Variants in TMEM248 observed in about 807,000 individuals in gnomAD.
TMEM248 encodes UPF0458 protein C7orf42.
A neutral mutation model predicts 30.3 loss-of-function variants in TMEM248; 9 were observed. That is an observed-to-expected ratio of 0.30 (90% confidence interval 0.18 to 0.52). The LOEUF (loss-of-function observed/expected upper bound fraction) is 0.52, where lower values mean the gene tolerates loss of function less well. Among genes scored for constraint, TMEM248 ranks in the 20% least tolerant of loss-of-function variants. The pLI, the probability that TMEM248 is intolerant of heterozygous loss-of-function variation, is 0.97. For missense variants in TMEM248, 338 were observed against 403.3 expected (o/e 0.84, Z 1.39); for synonymous variants, 184 against 154.4 (o/e 1.19, Z -1.42).
chr7:66,936,428 T>A (rs1302742137), intron 1 of TMEM248, among the ~76,000 whole-genome samples: 1 of 152,226 alleles, frequency 6.6e-6, no homozygotes, highest in African/African-American at 2.4e-5. Context: ...TGATGAATGA[T>A]CTTTTTAATG....
intron 4 of TMEM248, among the ~76,000 whole-genome samples, chr7:66,949,469 AAAAT>A (rs1437988851): frequency 6.6e-6 from 1 of 152,206 alleles, no homozygotes; most frequent in East Asian, 1.9e-4. Context: ...CTGTCTCAAA[AAAAT>A]AAATAAATCA....
chr7:66,929,383 G>A (rs958583772), intron 1 of TMEM248, among the ~76,000 whole-genome samples: 1 of 149,846 alleles, frequency 6.7e-6, no homozygotes, highest in Admixed American at 6.7e-5. Flanking sequence ...CACTGTCCAA[G>A]GTAGGAGGAA....
chr7:66,936,737 G>A (rs190827677), intron 1 of TMEM248, among the ~76,000 whole-genome samples: 86 of 152,216 alleles, frequency 5.6e-4, no homozygotes, highest in African/African-American at 1.9e-3. Flanking sequence ...TTTTCCAGCC[G>A]GTGTGCAGTT....
At chr7:66,939,365 C>T (rs1276868679) in intron 1 of TMEM248, among the ~76,000 whole-genome samples, 1 of 152,170 alleles carries the variant, frequency 6.6e-6, no homozygotes, top group Non-Finnish European at 1.5e-5. Context: ...AGAACAATTA[C>T]ATATATACAT....
At chr7:66,945,653 A>G (rs1014217712) in intron 3 of TMEM248, among the ~76,000 whole-genome samples, 3 of 152,226 alleles carry the variant, frequency 2.0e-5, no homozygotes, top group Non-Finnish European at 4.4e-5. Context: ...GGGAAGAACT[A>G]GAAAATGACT....
At position 66,947,213 on chromosome 7, in the gene TMEM248, T is replaced by TC. The variant is rs1792128749; in HGVS notation, c.446-1330dup. ...CTGGGCAATAGAGTGAGACCCTGTC[T>TC]CAAAAAAAAAAAAAAAAAAAAACAA... On this transcript the variant is annotated intron_variant, in intron 3 of 6. Coordinates refer to ENST00000341567, the MANE Select transcript of TMEM248 (RefSeq NM_017994.5). Among the ~76,000 whole-genome samples, 4 of 73,750 alleles carry TC rather than the reference T, an allele frequency of 5.4e-5. No individual in the cohort carries two copies. The East Asian group carries it at 1.6e-3, about 30-fold the overall frequency. 48.4% of individuals were successfully genotyped at this position (73,750 alleles called of 152,430 possible). A position where few individuals can be genotyped will look rare whatever the true frequency, so the allele number is the denominator to read the frequency against.
At chr7:66,935,562 A>T (rs974785950) in intron 1 of TMEM248, among the ~76,000 whole-genome samples, 6 of 152,144 alleles carry the variant, frequency 3.9e-5, no homozygotes, top group African/African-American at 1.2e-4. Flanking sequence ...TACTTTTTTG[A>T]AACGGAGTCT....
chr7:66,932,680 A>T lies in TMEM248; in HGVS notation c.-18-9168A>T, dbSNP rs541782650. 4.6e-5 allele frequency among the ~76,000 whole-genome samples: 7 copies of T among 150,604 alleles called. No homozygotes were observed. The South Asian group carries it at 1.5e-3, about 32-fold the overall frequency. On this transcript the variant is annotated intron_variant, in intron 1 of 6. Transcript: ENST00000341567. ...CAGGCGCACGCTGCCACTCCCGGCT[A>T]ATTTGTTGTATTTTTAGTAGAGATG...
rs1278789035 is a variant in TMEM248 at position 66,940,251 on chromosome 7, G to A, written c.-18-1597G>A. ...TTACAAGCATGAGCCACTGCGCCCA[G>A]CCATAGATGTGCGTTTTAAGAAGAG... On this transcript the variant is annotated intron_variant, in intron 1 of 6. Transcript: ENST00000341567. Among the ~76,000 whole-genome samples, 6 of 152,320 alleles carry A rather than the reference G, an allele frequency of 3.9e-5. No individual in the cohort carries two copies. The South Asian group carries it at 1.0e-3, about 26-fold the overall frequency.
Position 66,951,025 on chromosome 7 carries a change from G to T in TMEM248, c.670G>T (p.Asp224Tyr). Residue 224 changes from aspartate (D) to tyrosine (Y), a missense_variant, in exon 5 of 7, where the codon GAT (aspartate) becomes TAT (tyrosine). Asp to Tyr is a radical substitution (Grantham distance 160). Coordinates refer to ENST00000341567, the MANE Select transcript of TMEM248 (RefSeq NM_017994.5). ...LWYKIFTTAR[D>Y]ANTKYAQDYN... ...GTACAAGATCTTCACAACTGCCAGA[G>T]ATGCCAACACAAAATACGCCCAAGA... 1 of 1,612,972 alleles carries T rather than the reference G, an allele frequency of 6.2e-7. No individual in the cohort carries two copies. The highest frequency in any genetic ancestry group is 8.5e-7 in the Non-Finnish European group (1 of 1,179,734).
intron 1 of TMEM248, among the ~76,000 whole-genome samples, chr7:66,934,745 A>G (rs758798482): frequency 3.9e-5 from 6 of 152,130 alleles, no homozygotes; most frequent in Non-Finnish European, 5.9e-5. Context: ...GGTCCTATTC[A>G]TTTTTATATA....
chr7:66,939,795 C>A lies in TMEM248; in HGVS notation c.-18-2053C>A, dbSNP rs545021188. On this transcript the variant is annotated intron_variant, in intron 1 of 6. Coordinates refer to ENST00000341567, the MANE Select transcript of TMEM248 (RefSeq NM_017994.5). ...TGACCAAGGAAGGTGTGCAAAATCT[C>A]CGCTCTCGTTGGGCTCATAAATGAG... 2.0e-5 allele frequency among the ~76,000 whole-genome samples: 3 copies of A among 149,352 alleles called. No homozygotes were observed. In the South Asian group the frequency reaches 6.4e-4, roughly 32 times the overall value.
At chr7:66,951,601 G>C (rs548431465) in intron 5 of TMEM248, among the ~76,000 whole-genome samples, 2 of 151,520 alleles carry the variant, frequency 1.3e-5, no homozygotes, top group African/African-American at 4.8e-5. Context: ...ACTTAACCAA[G>C]AGGCAAGGGG....
chr7:66,953,148 GTC>G (rs1259522331), intron 5 of TMEM248, 76 bp from the exon 6 acceptor site: 9 of 1,510,126 alleles, frequency 6.0e-6, no homozygotes, highest in Non-Finnish European at 7.2e-6. Flanking sequence ...TGTCAATCCT[GTC>G]TCTCAAAACC....
chr7:66,941,716 G>A lies in TMEM248; in HGVS notation c.-18-132G>A, dbSNP rs1040991777. The A allele has an allele frequency of 2.2e-5, 15 of 674,916 alleles. No homozygotes were observed. The East Asian group carries it at 2.9e-4, about 13-fold the overall frequency. The allele number at this position is 674,916 out of a possible 1,614,324, so 41.8% of individuals were successfully genotyped here. ...AGTCTTTTGAATGAAGTTATGATCC[G>A]ACATTTCTCAAATTCAGTAATGAGT... On this transcript the variant is annotated intron_variant, in intron 1 of 6. Coordinates refer to ENST00000341567, the MANE Select transcript of TMEM248 (RefSeq NM_017994.5).
chr7:66,946,610 T>A (rs1424127249), intron 3 of TMEM248, among the ~76,000 whole-genome samples: 1 of 151,996 alleles, frequency 6.6e-6, no homozygotes, highest in African/African-American at 2.4e-5. Flanking sequence ...ATTTGGTCTC[T>A]TCCTTTTGGA....
chr7:66,941,593 C>CACACAT (rs1791958091), intron 1 of TMEM248, among the ~76,000 whole-genome samples: 1 of 146,670 alleles, frequency 6.8e-6, no homozygotes, highest in South Asian at 2.3e-4. Context: ...CACACACACA[C>CACACAT]ACACAATATT....
At chr7:66,923,747 C>T (rs573095898) in intron 1 of TMEM248, among the ~76,000 whole-genome samples, 6 of 152,174 alleles carry the variant, frequency 3.9e-5, no homozygotes, top group Non-Finnish European at 8.8e-5. Flanking sequence ...GTGACGCAGT[C>T]GGCAACCTCT....
intron 4 of TMEM248, among the ~76,000 whole-genome samples, chr7:66,949,664 AATTTT>A (rs1792209914): frequency 6.6e-6 from 1 of 152,224 alleles, no homozygotes; most frequent in African/African-American, 2.4e-5. Context: ...CAGTTACTTT[AATTTT>A]ACCTGCGAAT....
Sources: gnomAD v4.1 joint callset for allele counts (sites outside exome capture counted in the v4.1 genomes callset) on GRCh38, gnomAD v4.1.1 for gene constraint, MANE v1.5 for transcripts, NCBI Gene and HGNC (gene_info 2026-07-23, HGNC 2026-07-21) for gene names.